Variants in ASB14 observed in about 807,000 individuals in gnomAD.
The protein encoded by ASB14 is ankyrin repeat and SOCS box protein 14.
A neutral mutation model predicts 55.6 loss-of-function variants in ASB14; 63 were observed. The ratio of observed to expected loss-of-function variants is 1.13; its 90% CI spans 0.92 to 1.40. The LOEUF (loss-of-function observed/expected upper bound fraction) is 1.40. Among genes scored for constraint, ASB14 ranks in the 40% most tolerant of loss-of-function variants. The pLI is 0.00. For missense variants in ASB14, 724 were observed against 710.4 expected (o/e 1.02, Z -0.22); for synonymous variants, 256 against 259.9 (o/e 0.98, Z 0.15).
In ASB14 at chr3:57,268,638, G is replaced by A. The variant is rs1031064273; in HGVS notation, c.*1003C>T. 9 of 804,496 alleles carry A rather than the reference G, an allele frequency of 1.1e-5. No homozygotes were observed. The highest frequency in any genetic ancestry group is 1.7e-5 in the African/African-American group (1 of 58,196). The allele number at this position is 804,496 out of a possible 1,614,324, so 49.8% of individuals were successfully genotyped here. On this transcript the variant is annotated 3_prime_UTR_variant, in exon 11 of 11. Transcript: ENST00000487349. ...ATGATTCATACCATAGCAGAAAAGG[G>A]TCACATCTGTTTTTTGATATGATGT... is the stretch of plus-strand genomic sequence containing the variant.
At chr3:57,278,044 G>A in intron 8 of ASB14, 124 bp from the exon 9 acceptor site, 2 of 832,172 alleles carry the variant, frequency 2.4e-6, no homozygotes, top group Non-Finnish European at 3.7e-6. Context: ...CTCAAAAATG[G>A]GAAGGGATGG....
chr3:57,276,689 A>G lies in ASB14; in HGVS notation c.1625T>C (p.Ile542Thr), dbSNP rs1248089267. Residue 542 changes from isoleucine to threonine, a missense_variant, in exon 10 of 11, where the codon ATC (isoleucine) becomes ACC (threonine). By Grantham distance (89) the Ile-to-Thr change is moderately conservative. Coordinates refer to ENST00000487349, the MANE Select transcript of ASB14 (RefSeq NM_001142733.3). Reference sequence around the variant, plus strand: ...ATGTAACCGTCCCATGCATTTCCGGATCTTTAGGCGGCACAAATGTTTTAG... The same window carrying G: ...ATGTAACCGTCCCATGCATTTCCGGGTCTTTAGGCGGCACAAATGTTTTAG... ...RSLKHLCRLK[I>T]RKCMGRLHLR... The G allele has an allele frequency of 2.5e-6, 4 of 1,614,016 alleles. No individual in the cohort carries two copies. Among genetic ancestry groups the G allele is most frequent in the South Asian group, 1.1e-5 (1 of 91,020 alleles).
chr3:57,288,829 C>T, intron 3 of ASB14: 1 of 325,442 alleles, frequency 3.1e-6, no homozygotes, highest in South Asian at 5.0e-5. Context: ...ATTCTCCTAC[C>T]CCACCCTCCC....
chr3:57,268,670 T>C lies in ASB14; in HGVS notation c.*971A>G. On this transcript the variant is annotated 3_prime_UTR_variant, in exon 11 of 11. Transcript: ENST00000487349. The stretch of plus-strand genomic sequence containing the variant: ...CTGTTTTTTGATATGATGTTTACAT[T>C]ATAGTTACGTTGACATGTAATATGA... The C allele has an allele frequency of 4.2e-6, 2 of 477,272 alleles. No individual in the cohort carries two copies. The highest frequency in any genetic ancestry group is 6.7e-6 in the Non-Finnish European group (2 of 297,368). 29.6% of individuals were successfully genotyped at this position (477,272 alleles called of 1,614,324 possible). A position where few individuals can be genotyped will look rare whatever the true frequency, so the allele number is the denominator to read the frequency against.
At chr3:57,289,332 T>C (rs2061110069) in intron 2 of ASB14, among the ~76,000 whole-genome samples, 1 of 152,152 alleles carries the variant, frequency 6.6e-6, no homozygotes, top group Non-Finnish European at 1.5e-5. Context: ...CCTAACTCTA[T>C]CTGTCTTCCG....
Position 57,268,808 on chromosome 3 carries a change from A to T in ASB14, c.*833T>A, listed in dbSNP as rs1400157067. On this transcript the variant is annotated 3_prime_UTR_variant, in exon 11 of 11. Coordinates refer to ENST00000487349, the MANE Select transcript of ASB14 (RefSeq NM_001142733.3). ...ATTGCTGAAAGCCATTTTGCCTTCT[A>T]TGGGGGGGAAATAAATAAATATATA... The T allele has an allele frequency of 6.1e-6, 1 of 165,184 alleles. No individual in the cohort carries two copies. The highest frequency in any genetic ancestry group is 2.4e-5 in the African/African-American group (1 of 42,008). The allele number at this position is 165,184 out of a possible 1,614,324, so 10.2% of individuals were successfully genotyped here.
At chr3:57,284,135 A>AAT (rs1207729118) in intron 5 of ASB14, among the ~76,000 whole-genome samples, 5 of 66,752 alleles carry the variant, frequency 7.5e-5, no homozygotes, top group African/African-American at 1.1e-4. Context: ...TATGTATGTA[A>AAT]ATATATATAT....
intron 2 of ASB14, among the ~76,000 whole-genome samples, chr3:57,289,687 CTTTTTTTTT>C (rs34419265): frequency 5.0e-5 from 5 of 100,338 alleles, no homozygotes; most frequent in South Asian, 4.3e-4. Context: ...ACCTTCCATT[CTTTTTTTTT>C]TTTTTTTTTT....
intron 5 of ASB14, 91 bp from the exon 6 acceptor site, chr3:57,283,530 G>A (rs998492863): frequency 1.5e-6 from 2 of 1,345,044 alleles, no homozygotes; most frequent in Non-Finnish European, 2.0e-6. Context: ...TTCTTAAGGA[G>A]TTCTTCCCAC....
intron 3 of ASB14, among the ~76,000 whole-genome samples, 151 bp from the exon 4 acceptor site, chr3:57,288,437 A>G (rs2061098981): frequency 6.6e-6 from 1 of 152,220 alleles, no homozygotes; most frequent in Non-Finnish European, 1.5e-5. Context: ...TATGACAGAC[A>G]GTAAGGCCGG....
intron 10 of ASB14, among the ~76,000 whole-genome samples, chr3:57,276,209 G>T (rs1381383600): frequency 7.0e-6 from 1 of 143,512 alleles, no homozygotes. Flanking sequence ...TACTATTTGG[G>T]TTTTTTTTTT....
intron 7 of ASB14, among the ~76,000 whole-genome samples, chr3:57,279,945 G>T (rs375077819): frequency 6.6e-6 from 1 of 151,900 alleles, no homozygotes; most frequent in African/African-American, 2.4e-5. Flanking sequence ...TTACTCACAC[G>T]ATGTGCTGAC....
intron 10 of ASB14, among the ~76,000 whole-genome samples, chr3:57,276,264 A>G (rs1559519811): frequency 6.7e-6 from 1 of 149,780 alleles, no homozygotes; most frequent in Non-Finnish European, 1.5e-5. Context: ...TTGAGAGGCT[A>G]TGTTCAAAGC....
Position 57,268,630 on chromosome 3 carries a change from A to G in ASB14, c.*1011T>C. 1 of 894,600 alleles carries G rather than the reference A, an allele frequency of 1.1e-6. No individual in the cohort carries two copies. Among genetic ancestry groups the G allele is most frequent in the Non-Finnish European group, 1.6e-6 (1 of 638,010 alleles). 55.4% of individuals were successfully genotyped at this position (894,600 alleles called of 1,614,324 possible). On this transcript the variant is annotated 3_prime_UTR_variant, in exon 11 of 11. Transcript: ENST00000487349. ...ATAAACAGATGATTCATACCATAGC[A>G]GAAAAGGGTCACATCTGTTTTTTGA...
Position 57,269,272 on chromosome 3 carries a change from T to C in ASB14, c.*369A>G, listed in dbSNP as rs2060917977. ...TACTATAATATATAGTGAGAGATGA[T>C]TGATGATGGGCTTTATTTGGTTGTT... On this transcript the variant is annotated 3_prime_UTR_variant, in exon 11 of 11. Coordinates refer to ENST00000487349, the MANE Select transcript of ASB14 (RefSeq NM_001142733.3). 1.5e-5 allele frequency: 5 copies of C among 333,700 alleles called. No individual in the cohort carries two copies. Among genetic ancestry groups the C allele is most frequent in the Non-Finnish European group, 2.7e-5 (5 of 182,036 alleles). 20.7% of individuals were successfully genotyped at this position (333,700 alleles called of 1,614,324 possible). A position where few individuals can be genotyped will look rare whatever the true frequency, so the allele number is the denominator to read the frequency against.
At chr3:57,283,564 G>T in intron 5 of ASB14, 125 bp from the exon 6 acceptor site, 1 of 952,230 alleles carries the variant, frequency 1.1e-6, no homozygotes, top group Non-Finnish European at 1.5e-6. Flanking sequence ...CGAACATTCT[G>T]TGTTTAGGAA....
intron 7 of ASB14, among the ~76,000 whole-genome samples, chr3:57,279,198 G>A (rs112188210): frequency 6.1e-4 from 92 of 151,156 alleles, no homozygotes; most frequent in African/African-American, 2.1e-3. Flanking sequence ...ATATCTCTTC[G>A]GTGGCTTCAG....
rs531299737 is a variant in ASB14 at position 57,288,904 on chromosome 3, CAG to C, written c.178+162_178+163del. The C allele has an allele frequency of 1.4e-3, 693 of 480,908 alleles. 2 individuals carry two copies. The highest frequency in any genetic ancestry group is 4.9e-3 in the African/African-American group (242 of 49,548). 29.8% of individuals were successfully genotyped at this position (480,908 alleles called of 1,614,324 possible). On this transcript the variant is annotated intron_variant, in intron 3 of 10. Coordinates refer to ENST00000487349, the MANE Select transcript of ASB14 (RefSeq NM_001142733.3). ...TAATTTTTTGCATTTTTAGTAGAGA[CAG>C]GGGGTTTCACCATGTTGGCCAGGCT... is the stretch of plus-strand genomic sequence containing the variant.
At chr3:57,278,979 T>C (rs2061014403) in intron 7 of ASB14, 59 bp from the exon 8 acceptor site, 2 of 1,511,018 alleles carry the variant, frequency 1.3e-6, no homozygotes, top group African/African-American at 1.4e-5. Flanking sequence ...CACTAACTTG[T>C]TTATTATTGT....
Sources: gnomAD v4.1 joint callset for allele counts (sites outside exome capture counted in the v4.1 genomes callset) on GRCh38, gnomAD v4.1.1 for gene constraint, MANE v1.5 for transcripts, NCBI Gene and HGNC (gene_info 2026-07-23, HGNC 2026-07-21) for gene names.